Variants in CAPSL observed in about 807,000 individuals in gnomAD.
CAPSL encodes the protein calcyphosine like.
Under a neutral mutation model 21.3 loss-of-function variants are expected in CAPSL, and 17 were observed. The observed-to-expected ratio is 0.80, with a 90% CI of 0.55 to 1.20. The LOEUF (loss-of-function observed/expected upper bound fraction) is 1.20. CAPSL is among the 50% of genes most tolerant of loss of function. The pLI, the probability that CAPSL is intolerant of heterozygous loss-of-function variation, is 0.00. For synonymous variants in CAPSL, 102 were observed against 89.3 expected (o/e 1.14, Z -0.80); for missense variants, 289 against 259.3 (o/e 1.11, Z -0.79).
At chr5:35,917,068 C>T (rs1738409920) in intron 2 of CAPSL, among the ~76,000 whole-genome samples, 1 of 152,174 alleles carries the variant, frequency 6.6e-6, no homozygotes, top group African/African-American at 2.4e-5. Context: ...TATGAACAGG[C>T]ACTTCTCAAA....
At chr5:35,909,238 G>A (rs1423133201) in intron 4 of CAPSL, among the ~76,000 whole-genome samples, 1 of 152,096 alleles carries the variant, frequency 6.6e-6, no homozygotes, top group Non-Finnish European at 1.5e-5. Context: ...TAATGGAGAT[G>A]GGCGGTTGAT....
intron 1 of CAPSL, among the ~76,000 whole-genome samples, chr5:35,931,651 G>A (rs184080949): frequency 9.8e-4 from 149 of 152,174 alleles, no homozygotes; most frequent in African/African-American, 3.5e-3. Flanking sequence ...TCTGAGTTAG[G>A]TCAACCTGCT....
At chr5:35,917,067 G>T (rs1053566163) in intron 2 of CAPSL, among the ~76,000 whole-genome samples, 1 of 151,984 alleles carries the variant, frequency 6.6e-6, no homozygotes, top group African/African-American at 2.4e-5. Flanking sequence ...ATATGAACAG[G>T]CACTTCTCAA....
At chr5:35,937,062 C>T (rs990329585) in intron 1 of CAPSL, among the ~76,000 whole-genome samples, 2 of 152,196 alleles carry the variant, frequency 1.3e-5, no homozygotes, top group Non-Finnish European at 2.9e-5. Context: ...GTTTCACTAC[C>T]TTGACACATC....
Position 35,920,965 on chromosome 5 carries a change from A to T in CAPSL, c.137+19T>A. The T allele has an allele frequency of 1.2e-6, 2 of 1,611,690 alleles. No homozygotes were observed. The highest frequency in any genetic ancestry group is 1.7e-6 in the Non-Finnish European group (2 of 1,179,078). On this transcript the variant is annotated intron_variant, in intron 2 of 4. Coordinates refer to ENST00000651391, the MANE Select transcript of CAPSL (RefSeq NM_001042625.2). ...ATTCCTTCCCGCTCCATTCCCTGCCACTTGTAGCTGGGTCCTACCTGCCAA... is the reference window on the plus strand; with the variant it reads ...ATTCCTTCCCGCTCCATTCCCTGCCTCTTGTAGCTGGGTCCTACCTGCCAA...
chr5:35,914,829 AG>A (rs1738329317), intron 2 of CAPSL, among the ~76,000 whole-genome samples: 2 of 152,358 alleles, frequency 1.3e-5, no homozygotes, highest in South Asian at 4.1e-4. Flanking sequence ...CATATTCAAA[AG>A]CTAGCAGAAG....
chr5:35,906,073 C>T (rs1448076137), intron 4 of CAPSL, among the ~76,000 whole-genome samples: 3 of 152,288 alleles, frequency 2.0e-5, no homozygotes, highest in African/African-American at 7.2e-5. Flanking sequence ...CAGCAAATAG[C>T]AAGTAAACTA....
chr5:35,938,326 AT>A (rs1339162732), intron 1 of CAPSL, among the ~76,000 whole-genome samples: 3 of 151,508 alleles, frequency 2.0e-5, no homozygotes, highest in South Asian at 2.1e-4. Flanking sequence ...TTATCTAAGC[AT>A]TTTTTTTGCA....
intron 2 of CAPSL, among the ~76,000 whole-genome samples, chr5:35,911,703 T>C (rs1738227766): frequency 6.6e-6 from 1 of 152,222 alleles, no homozygotes; most frequent in Non-Finnish European, 1.5e-5. Flanking sequence ...AATCATGTGC[T>C]GGCATTGGTT....
chr5:35,904,832 G>A (rs566507854), intron 4 of CAPSL, 186 bp from the exon 5 acceptor site: 15 of 462,200 alleles, frequency 3.2e-5, no homozygotes, highest in Non-Finnish European at 4.0e-5. Flanking sequence ...CAGCACCTAG[G>A]AAGAGAGAAA....
At chr5:35,923,510 A>T (rs113137269) in intron 1 of CAPSL, among the ~76,000 whole-genome samples, 52 of 152,360 alleles carry the variant, frequency 3.4e-4, no homozygotes, top group Non-Finnish European at 5.9e-4. Context: ...ATGTCCACCT[A>T]TGGATAAAGG....
chr5:35,906,814 G>T (rs1178473190), intron 4 of CAPSL, among the ~76,000 whole-genome samples: 1 of 152,128 alleles, frequency 6.6e-6, no homozygotes, highest in Non-Finnish European at 1.5e-5. Flanking sequence ...GTTGGAGAAT[G>T]GAGAAGGAAT....
intron 2 of CAPSL, among the ~76,000 whole-genome samples, chr5:35,916,604 G>T (rs553141488): frequency 6.6e-6 from 1 of 152,204 alleles, no homozygotes; most frequent in African/African-American, 2.4e-5. Context: ...ACAAAAACAA[G>T]TAATGGGGAA....
At chr5:35,922,594 G>T (rs1366667225) in intron 1 of CAPSL, among the ~76,000 whole-genome samples, 1 of 152,144 alleles carries the variant, frequency 6.6e-6, no homozygotes, top group Non-Finnish European at 1.5e-5. Context: ...CTAAGCAGAG[G>T]TTCCCTGGAA....
At chr5:35,910,144 T>C (rs1167160222) in intron 3 of CAPSL, 69 bp from the exon 4 acceptor site, 5 of 1,306,994 alleles carry the variant, frequency 3.8e-6, no homozygotes, top group Non-Finnish European at 4.2e-6. Flanking sequence ...TCCTATGTGA[T>C]AAAATATCTC....
Position 35,922,560 on chromosome 5 carries a change from G to A in CAPSL, c.1-1440C>T, listed in dbSNP as rs140054488. Among the ~76,000 whole-genome samples, 676 of 152,260 alleles carry A rather than the reference G, an allele frequency of 4.4e-3. 5 individuals are homozygous for A. Among genetic ancestry groups the A allele is most frequent in the African/African-American group, 0.016 (646 of 41,556 alleles). ...AACTTGCTCTGTCTAAAGCTACACA[G>A]TCTTCCTCTGCTTCCACTGGCACCT... On this transcript the variant is annotated intron_variant, in intron 1 of 4. Transcript: ENST00000651391.
At chr5:35,917,446 G>A (rs1272087556) in intron 2 of CAPSL, among the ~76,000 whole-genome samples, 2 of 152,132 alleles carry the variant, frequency 1.3e-5, no homozygotes, top group African/African-American at 4.8e-5. Context: ...ATTCACAATA[G>A]CAAAGACTTG....
intron 1 of CAPSL, among the ~76,000 whole-genome samples, chr5:35,922,964 C>T (rs1436716020): frequency 4.6e-5 from 7 of 152,128 alleles, no homozygotes; most frequent in African/African-American, 1.4e-4. Context: ...TAGTGGCATG[C>T]GCCCCATCCC....
intron 2 of CAPSL, among the ~76,000 whole-genome samples, chr5:35,915,812 A>G (rs953628335): frequency 3.9e-5 from 6 of 152,232 alleles, no homozygotes; most frequent in Non-Finnish European, 8.8e-5. Flanking sequence ...CAAGACAGGG[A>G]TGCCCTCTCT....
Sources: allele counts gnomAD v4.1 joint callset (sites outside exome capture counted in the v4.1 genomes callset), GRCh38; gene constraint gnomAD v4.1.1; transcripts MANE v1.5; gene names NCBI Gene and HGNC (gene_info 2026-07-23, HGNC 2026-07-21).